HECW1: variants seen among roughly 807,000 people sequenced by gnomAD.
The protein encoded by HECW1 is E3 ubiquitin-protein ligase HECW1.
Under a neutral mutation model 182.3 loss-of-function variants are expected in HECW1, and 61 were observed. The ratio of observed to expected loss-of-function variants is 0.33; its 90% CI spans 0.27 to 0.41. The LOEUF is 0.41. Ranked by LOEUF, HECW1 falls within the 10% of genes least tolerant of loss-of-function variation. The pLI is 1.00. For missense variants in HECW1, 1,739 were observed against 2,108.9 expected, an observed-to-expected ratio of 0.82 and a Z score of 3.44; for synonymous variants, 859 against 832.6, an observed-to-expected ratio of 1.03 and a Z score of -0.55.
chr7:43,248,460 T>G (rs1022650792), intron 3 of HECW1: 1 of 152,300 alleles, frequency 6.6e-6, no homozygotes, highest in African/African-American at 2.4e-5. Flanking sequence ...GACAGAGGTG[T>G]AGAACCACAG....
chr7:43,435,687 G>C (rs1442239728), intron 8 of HECW1, among the ~76,000 whole-genome samples: 1 of 152,196 alleles, frequency 6.6e-6, no homozygotes, highest in Non-Finnish European at 1.5e-5. Context: ...CAATGCTTGA[G>C]AGGGTGGCTG....
At position 43,360,899 on chromosome 7, in the gene HECW1, C is replaced by T. The variant is rs1584622258; in HGVS notation, c.474C>T (p.Ile158=). The T allele has an allele frequency of 6.2e-7, 1 of 1,613,918 alleles. No homozygotes were observed. Reference sequence around the variant, plus strand: ...TTTGTCTTTCAGCTGAAACTAAGATCTGCTTCAAATACTACCATGGAGTGA... The same window carrying T: ...TTTGTCTTTCAGCTGAAACTAAGATTTGCTTCAAATACTACCATGGAGTGA... ...SSYFVEPETK[I]CFKYYHGVSG... The change falls in exon 6 of 30, where the codon ATC becomes ATT. Residue 158 remains isoleucine (I), a synonymous_variant. Transcript: ENST00000395891.
intron 6 of HECW1, among the ~76,000 whole-genome samples, chr7:43,365,818 G>A (rs1816568943): frequency 6.6e-6 from 1 of 152,220 alleles, no homozygotes; most frequent in South Asian, 2.1e-4. Flanking sequence ...GAACGGCTGG[G>A]TGCAGTGGCT....
At chr7:43,548,912 C>G (rs2081677449) in intron 26 of HECW1, among the ~76,000 whole-genome samples, 1 of 152,262 alleles carries the variant, frequency 6.6e-6, no homozygotes, top group South Asian at 2.1e-4. Flanking sequence ...CCACTGCACT[C>G]CAGCCTGGGT....
chr7:43,172,646 G>A (rs1791808331), intron 2 of HECW1, among the ~76,000 whole-genome samples: 1 of 152,154 alleles, frequency 6.6e-6, no homozygotes, highest in Admixed American at 6.5e-5. Context: ...TTAGGGTTCA[G>A]CCCTTTCTGC....
At chr7:43,383,731 TTCCAA>T in intron 6 of HECW1, among the ~76,000 whole-genome samples, 2 of 152,298 alleles carry the variant, frequency 1.3e-5, no homozygotes, top group East Asian at 3.9e-4. Context: ...AGTTTAGGGC[TTCCAA>T]TCCCCCATGC....
intron 16 of HECW1, among the ~76,000 whole-genome samples, chr7:43,476,550 A>C (rs922844392): frequency 9.2e-5 from 14 of 152,164 alleles, no homozygotes; most frequent in African/African-American, 2.9e-4. Context: ...AAGAATATGT[A>C]AGAAAATATT....
In HECW1 at chr7:43,548,158, A is replaced by G. The variant is rs139844243; in HGVS notation, c.4249-2287A>G. Among the ~76,000 whole-genome samples, 102 of 152,362 alleles carry G rather than the reference A, an allele frequency of 6.7e-4. 1 individual carries two copies. Among genetic ancestry groups the G allele is most frequent in the African/African-American group, 2.2e-3 (93 of 41,586 alleles). On this transcript the variant is annotated intron_variant, in intron 26 of 29. Coordinates refer to ENST00000395891, the MANE Select transcript of HECW1 (RefSeq NM_015052.5). ...CATTTTCATAAATTTTAACTTTTTA[A>G]TAATAGATTTGTGTACATTTTATGT...
Position 43,112,785 on chromosome 7 carries a change from GGCAGCCAGAGC to G in HECW1, c.-413_-403del, listed in dbSNP as rs1784719994. 4.4e-6 allele frequency: 1 copy of G among 229,822 alleles called. No individual in the cohort carries two copies. The highest frequency in any genetic ancestry group is 8.6e-6 in the Non-Finnish European group (1 of 115,812). The allele number at this position is 229,822 out of a possible 1,614,324, so 14.2% of individuals were successfully genotyped here. On this transcript the variant is annotated 5_prime_UTR_variant, in exon 1 of 30. Coordinates refer to ENST00000395891, the MANE Select transcript of HECW1 (RefSeq NM_015052.5). Reference sequence around the variant, plus strand: ...TGGCCTCCGCTCTCTCGGGGCACCCGGCAGCCAGAGCGCAGCGAGAGCGGGCGGTCGCCAGG... The same window carrying G: ...TGGCCTCCGCTCTCTCGGGGCACCCGGCAGCGAGAGCGGGCGGTCGCCAGG...
intron 4 of HECW1, among the ~76,000 whole-genome samples, chr7:43,318,465 C>A (rs554766106): frequency 6.6e-6 from 1 of 152,194 alleles, no homozygotes; most frequent in Non-Finnish European, 1.5e-5. Context: ...CAGTTCTTAT[C>A]GGTAATGAGT....
At chr7:43,420,175 A>G (rs1584846892) in intron 8 of HECW1, among the ~76,000 whole-genome samples, 1 of 152,352 alleles carries the variant, frequency 6.6e-6, no homozygotes, top group East Asian at 1.9e-4. Context: ...TATTACGGCT[A>G]GCAGATATTT....
At chr7:43,514,718 T>A (rs1052386497) in intron 24 of HECW1, among the ~76,000 whole-genome samples, 11 of 152,250 alleles carry the variant, frequency 7.2e-5, no homozygotes, top group Non-Finnish European at 1.0e-4. Flanking sequence ...TAGGGATACA[T>A]AATTTAATAA....
intron 2 of HECW1, chr7:43,163,195 T>C (rs889962447): frequency 1.3e-5 from 2 of 152,250 alleles, no homozygotes; most frequent in African/African-American, 4.8e-5. Context: ...CACACCAGGC[T>C]TCTTGAACAA....
chr7:43,432,080 G>T lies in HECW1; in HGVS notation c.802-5923G>T, dbSNP rs10273874. On this transcript the variant is annotated intron_variant, in intron 8 of 29. Coordinates refer to ENST00000395891, the MANE Select transcript of HECW1 (RefSeq NM_015052.5). The surrounding 1 kb of genome is among the most constrained non-coding windows in gnomAD (Gnocchi z 4.1). Reference sequence around the variant, plus strand: ...CTTAACCTTGTGATCTACCCACCTCGGCCTTCCAAAGTGCTGGGATTACAG... The same window carrying T: ...CTTAACCTTGTGATCTACCCACCTCTGCCTTCCAAAGTGCTGGGATTACAG... Among the ~76,000 whole-genome samples, 49,712 of 151,592 alleles carry T rather than the reference G, an allele frequency of 0.33. 8,712 individuals are homozygous for T. The highest frequency in any genetic ancestry group is 0.47 in the Middle Eastern group (138 of 292).
chr7:43,165,684 A>AT (rs963266759), intron 2 of HECW1, among the ~76,000 whole-genome samples: 5 of 151,632 alleles, frequency 3.3e-5, no homozygotes, highest in South Asian at 2.1e-4. Flanking sequence ...AATCACTTAG[A>AT]TTTTTTTTTA....
chr7:43,479,695 T>C lies in HECW1; in HGVS notation c.3185T>C (p.Leu1062Pro). 6.2e-7 allele frequency: 1 copy of C among 1,614,118 alleles called. No individual in the cohort carries two copies. The highest frequency in any genetic ancestry group is 1.1e-5 in the South Asian group (1 of 91,078). Residue 1062 changes from leucine to proline, a missense_variant, in exon 17 of 30, where the codon CTA (leucine) becomes CCA (proline). Coordinates refer to ENST00000395891, the MANE Select transcript of HECW1 (RefSeq NM_015052.5). ...PLQNGRLPNH[L>P]THRQHLQRLR... ...CAGAACGGTCGTCTTCCCAATCATC[T>C]AACTCACCGACAGCACCTCCAGAGG...
chr7:43,493,530 C>T (rs989471024), intron 19 of HECW1, among the ~76,000 whole-genome samples: 1 of 152,040 alleles, frequency 6.6e-6, no homozygotes, highest in Non-Finnish European at 1.5e-5. Flanking sequence ...AATTGTTGAA[C>T]GGTAAACCAA....
chr7:43,560,227 A>G (rs540074675), intron 29 of HECW1, among the ~76,000 whole-genome samples: 2 of 152,334 alleles, frequency 1.3e-5, no homozygotes, highest in East Asian at 1.9e-4. Flanking sequence ...CACTGTAACC[A>G]TCCTACTCAA....
intron 17 of HECW1, among the ~76,000 whole-genome samples, chr7:43,488,422 GAA>G (rs1487983475): frequency 5.3e-5 from 3 of 57,116 alleles, no homozygotes; most frequent in East Asian, 4.1e-4. Flanking sequence ...GAGAGAGAGA[GAA>G]AGAAAGAAAG....
Sources: gnomAD v4.1 joint callset for allele counts (sites outside exome capture counted in the v4.1 genomes callset) on GRCh38, gnomAD v4.1.1 for gene constraint, Gnocchi (gnomAD v3.1) non-coding constraint, MANE v1.5 for transcripts, NCBI Gene and HGNC (gene_info 2026-07-23, HGNC 2026-07-21) for gene names.